The following GULP1 variants were observed in gnomAD, a reference collection of about 807,000 sequenced individuals.
GULP1 encodes PTB domain-containing engulfment adapter protein 1.
GULP1 carries 19 observed loss-of-function variants against 40.9 expected under a neutral mutation model. The ratio of observed to expected loss-of-function variants is 0.46; its 90% CI spans 0.32 to 0.68. The LOEUF is 0.68. GULP1 is among the 30% of genes least tolerant of loss of function. The pLI is 0.03. For synonymous variants in GULP1, 119 were observed against 117.6 expected (o/e 1.01, Z -0.08); for missense variants, 312 against 362.2 (o/e 0.86, Z 1.12).
At chr2:188,568,829 A>G (rs946786639) in intron 7 of GULP1, among the ~76,000 whole-genome samples, 1 of 152,200 alleles carries the variant, frequency 6.6e-6, no homozygotes, top group Non-Finnish European at 1.5e-5. Context: ...GGAAAAGGAA[A>G]TAAATAGCAA....
intron 1 of GULP1, among the ~76,000 whole-genome samples, chr2:188,307,384 A>G (rs943302970): frequency 6.6e-6 from 1 of 152,146 alleles, no homozygotes. Context: ...AAGAAAATAC[A>G]TACCAGTTTA....
chr2:188,302,916 T>A (rs112824460), intron 1 of GULP1, among the ~76,000 whole-genome samples: 4 of 152,344 alleles, frequency 2.6e-5, no homozygotes, highest in South Asian at 2.1e-4. Flanking sequence ...TCCTGCTATT[T>A]GGCTACAAAT....
At chr2:188,522,732 T>G in intron 4 of GULP1, 24 bp from the exon 5 acceptor site, 7 of 1,484,326 alleles carry the variant, frequency 4.7e-6, no homozygotes, top group Non-Finnish European at 6.6e-6. Context: ...TAAAAGCCTG[T>G]GTCTCACAAA....
intron 1 of GULP1, among the ~76,000 whole-genome samples, chr2:188,324,626 T>C (rs1161451458): frequency 6.6e-6 from 1 of 151,974 alleles, no homozygotes; most frequent in Non-Finnish European, 1.5e-5. Context: ...AAATATTAAA[T>C]AAATTAAATA....
At chr2:188,484,618 A>C (rs2061710795) in intron 4 of GULP1, among the ~76,000 whole-genome samples, 1 of 151,920 alleles carries the variant, frequency 6.6e-6, no homozygotes, top group Non-Finnish European at 1.5e-5. Context: ...GAGATTAGGC[A>C]TAGCAATTAT....
intron 2 of GULP1, among the ~76,000 whole-genome samples, chr2:188,458,276 A>G (rs1421600307): frequency 2.0e-5 from 3 of 152,086 alleles, no homozygotes; most frequent in African/African-American, 4.8e-5. Flanking sequence ...TCTTTTCTGT[A>G]TCACCAGTTT....
At chr2:188,383,524 G>T (rs546923486) in intron 1 of GULP1, among the ~76,000 whole-genome samples, 5 of 152,160 alleles carry the variant, frequency 3.3e-5, no homozygotes, top group Admixed American at 6.5e-5. Context: ...ATATCTGTGA[G>T]TTAAAACATT....
intron 2 of GULP1, among the ~76,000 whole-genome samples, chr2:188,473,283 A>G (rs2060743412): frequency 8.5e-5 from 13 of 152,072 alleles, no homozygotes; most frequent in Admixed American, 6.6e-4. Context: ...ACCCCTGGCT[A>G]TTGCCTGTTT....
intron 7 of GULP1, among the ~76,000 whole-genome samples, chr2:188,545,608 G>C (rs1691713792): frequency 6.6e-6 from 1 of 151,716 alleles, no homozygotes. Flanking sequence ...AAGCACTATA[G>C]AGAAATTAAA....
At chr2:188,526,919 G>T (rs1257316889) in intron 5 of GULP1, among the ~76,000 whole-genome samples, 2 of 152,276 alleles carry the variant, frequency 1.3e-5, no homozygotes, top group South Asian at 4.1e-4. Context: ...AGCTTAGATT[G>T]CATGAACCTG....
intron 1 of GULP1, among the ~76,000 whole-genome samples, chr2:188,381,700 C>T (rs903498638): frequency 2.6e-5 from 4 of 152,110 alleles, no homozygotes; most frequent in South Asian, 2.1e-4. Context: ...CCTTTTCTCT[C>T]CTCTCATTTA....
chr2:188,580,023 TA>T, intron 9 of GULP1, among the ~76,000 whole-genome samples: 1 of 152,322 alleles, frequency 6.6e-6, no homozygotes, highest in South Asian at 2.1e-4. Context: ...ATTAACAGTT[TA>T]AGTAAAAAGA....
intron 4 of GULP1, among the ~76,000 whole-genome samples, chr2:188,519,881 C>T (rs571331542): frequency 1.3e-5 from 2 of 152,182 alleles, no homozygotes; most frequent in African/African-American, 4.8e-5. Context: ...TGAGCTCAGG[C>T]AGATCTCTTG....
chr2:188,583,062 T>G (rs2153459266), intron 9 of GULP1, among the ~76,000 whole-genome samples: 1 of 152,164 alleles, frequency 6.6e-6, no homozygotes, highest in Middle Eastern at 3.4e-3. Flanking sequence ...ATTTTAGAAT[T>G]TTTGTATCGT....
intron 2 of GULP1, among the ~76,000 whole-genome samples, chr2:188,418,483 A>G (rs1282847667): frequency 6.6e-6 from 1 of 152,110 alleles, no homozygotes; most frequent in East Asian, 1.9e-4. Flanking sequence ...AATACAAAAA[A>G]TTAGCCGGGC....
At chr2:188,572,325 CTA>C (rs1699221002) in intron 9 of GULP1, among the ~76,000 whole-genome samples, 1 of 152,070 alleles carries the variant, frequency 6.6e-6, no homozygotes, top group African/African-American at 2.4e-5. Flanking sequence ...AATGAAATAG[CTA>C]TGTTTTAAAA....
At chr2:188,351,420 C>T (rs2044427119) in intron 1 of GULP1, among the ~76,000 whole-genome samples, 1 of 152,074 alleles carries the variant, frequency 6.6e-6, no homozygotes, top group Admixed American at 6.6e-5. Context: ...TACCATGCTG[C>T]ATTTCAGGAG....
chr2:188,591,152 G>C, intron 11 of GULP1: 1 of 151,964 alleles, frequency 6.6e-6, no homozygotes, highest in Admixed American at 6.6e-5. Context: ...GTTCACAAAA[G>C]AAGACCACAA....
intron 2 of GULP1, among the ~76,000 whole-genome samples, chr2:188,454,323 G>C (rs918643010): frequency 1.3e-5 from 2 of 152,162 alleles, no homozygotes; most frequent in African/African-American, 4.8e-5. Context: ...GTTTTTATAG[G>C]CACAGAATGG....
Sources: gnomAD v4.1 joint callset for allele counts (sites outside exome capture counted in the v4.1 genomes callset) on GRCh38, gnomAD v4.1.1 for gene constraint, MANE v1.5 for transcripts, NCBI Gene and HGNC (gene_info 2026-07-23, HGNC 2026-07-21) for gene names.